Variants in WASL observed in about 807,000 individuals in gnomAD.
WASL encodes actin nucleation-promoting factor WASL.
WASL carries 20 observed loss-of-function variants against 55.5 expected under a neutral mutation model. That is an observed-to-expected ratio of 0.36 (90% CI 0.25 to 0.52). The LOEUF (loss-of-function observed/expected upper bound fraction) is 0.52, where lower values mean the gene tolerates loss of function less well. Ranked by LOEUF, WASL falls within the 20% of genes least tolerant of loss-of-function variation. The pLI is 0.92. For missense variants in WASL, 504 were observed against 622.5 expected (o/e 0.81, Z 2.03); for synonymous variants, 249 against 217.6 (o/e 1.14, Z -1.27).
chr7:123,733,943 A>G (rs527513816), intron 1 of WASL, among the ~76,000 whole-genome samples: 75 of 149,996 alleles, frequency 5.0e-4, no homozygotes, highest in African/African-American at 1.6e-3. Context: ...AATCAAATCC[A>G]GGCACTGACC....
intron 1 of WASL, chr7:123,720,457 A>G (rs1162404737): frequency 6.3e-5 from 24 of 378,100 alleles, no homozygotes; most frequent in Non-Finnish European, 1.2e-4. Context: ...TAACGTCTGT[A>G]CACAATACCA....
At chr7:123,708,709 A>G (rs976538623) in intron 2 of WASL, among the ~76,000 whole-genome samples, 21 of 152,124 alleles carry the variant, frequency 1.4e-4, no homozygotes, top group African/African-American at 4.8e-4. Flanking sequence ...CTGAGCTAAA[A>G]TATTATTTTG....
At chr7:123,729,869 GA>G (rs1327225976) in intron 1 of WASL, among the ~76,000 whole-genome samples, 2 of 151,834 alleles carry the variant, frequency 1.3e-5, no homozygotes, top group South Asian at 2.1e-4. Flanking sequence ...TCAAAAATAG[GA>G]AAAAAATAAT....
At chr7:123,706,515 G>T in intron 3 of WASL, 142 bp from the exon 4 acceptor site, 2 of 886,790 alleles carry the variant, frequency 2.3e-6, no homozygotes, top group Non-Finnish European at 3.4e-6. Flanking sequence ...TTTATGATCT[G>T]AATAACTTAA....
At chr7:123,687,756 CT>C (rs34607411) in intron 10 of WASL, among the ~76,000 whole-genome samples, 6 of 150,216 alleles carry the variant, frequency 4.0e-5, no homozygotes, top group Admixed American at 6.6e-5. Flanking sequence ...AAGGCAGGGA[CT>C]TTTTTTTTGT....
At chr7:123,731,185 T>G (rs1316114757) in intron 1 of WASL, among the ~76,000 whole-genome samples, 2 of 152,168 alleles carry the variant, frequency 1.3e-5, no homozygotes, top group African/African-American at 4.8e-5. Flanking sequence ...TACATACATA[T>G]ATATATGCAC....
In WASL at chr7:123,748,828, T is replaced by A; in HGVS notation, c.-94A>T. On this transcript the variant is annotated 5_prime_UTR_variant, in exon 1 of 11. Transcript: ENST00000223023. ...TCTCGGTGACAGGGGCGGGGAGAAG[T>A]GGAGTCAGAGGCGCCACATCTCGCA... The A allele has an allele frequency of 9.0e-7, 1 of 1,112,126 alleles. No homozygotes were observed. The highest frequency in any genetic ancestry group is 1.2e-6 in the Non-Finnish European group (1 of 804,202). The allele number at this position is 1,112,126 out of a possible 1,614,324, so 68.9% of individuals were successfully genotyped here. A position where few individuals can be genotyped will look rare whatever the true frequency, so the allele number is the denominator to read the frequency against.
At chr7:123,727,282 A>G (rs926977021) in intron 1 of WASL, among the ~76,000 whole-genome samples, 1 of 152,106 alleles carries the variant, frequency 6.6e-6, no homozygotes, top group African/African-American at 2.4e-5. Context: ...TTTCTTATAA[A>G]AATAAACATA....
intron 1 of WASL, among the ~76,000 whole-genome samples, chr7:123,713,296 G>T (rs971615790): frequency 1.3e-5 from 2 of 152,024 alleles, no homozygotes; most frequent in Non-Finnish European, 2.9e-5. Flanking sequence ...GGGACTACCA[G>T]CACACACCAC....
intron 1 of WASL, among the ~76,000 whole-genome samples, chr7:123,710,905 T>G (rs1405926134): frequency 6.6e-6 from 1 of 152,172 alleles, no homozygotes; most frequent in Non-Finnish European, 1.5e-5. Flanking sequence ...AAATGCGTCT[T>G]GCATACACTA....
chr7:123,740,723 G>A (rs1283389673), intron 1 of WASL, among the ~76,000 whole-genome samples: 3 of 151,954 alleles, frequency 2.0e-5, no homozygotes, highest in African/African-American at 7.3e-5. Flanking sequence ...AGCCTCTGGA[G>A]TAACTGGGAC....
chr7:123,729,961 G>C (rs1372136567), intron 1 of WASL, among the ~76,000 whole-genome samples: 2 of 152,034 alleles, frequency 1.3e-5, no homozygotes, highest in Non-Finnish European at 2.9e-5. Context: ...TCCTATTGGA[G>C]GAATTTTCTC....
intron 1 of WASL, among the ~76,000 whole-genome samples, chr7:123,744,290 C>G (rs145167841): frequency 6.6e-6 from 1 of 152,188 alleles, no homozygotes; most frequent in Non-Finnish European, 1.5e-5. Context: ...GCATTAGAAA[C>G]TGAAGGGCTT....
chr7:123,717,578 C>G (rs1485862850), intron 1 of WASL, among the ~76,000 whole-genome samples: 1 of 152,184 alleles, frequency 6.6e-6, no homozygotes, highest in East Asian at 1.9e-4. Flanking sequence ...ATACTATGAT[C>G]CAACTACATG....
rs1803498515 is a variant in WASL, at chr7:123,696,720, T to A, written c.488A>T (p.Asp163Val). The A allele has an allele frequency of 6.3e-7, 1 of 1,596,974 alleles. No individual in the cohort carries two copies. The highest frequency in any genetic ancestry group is 1.3e-5 in the African/African-American group (1 of 74,302). ...NGPNLPMATV[D>V]IKNPEITTNR... is the part of the protein sequence containing the mutation. The stretch of plus-strand genomic sequence containing the variant: ...TGTTGTGATTTCTGGATTTTTTATA[T>A]CAACTGTAGCCATGGGTAGATTAGG... The change falls in exon 6 of 11, where the codon GAT becomes GTT. Residue 163 changes from aspartate (D) to valine (V), a missense_variant. Transcript: ENST00000223023.
chr7:123,708,306 A>C (rs191825788), intron 2 of WASL, among the ~76,000 whole-genome samples: 237 of 152,338 alleles, frequency 1.6e-3, no homozygotes, highest in Admixed American at 5.3e-3. Context: ...AATAAAGCTG[A>C]GACCAGAGGT....
At chr7:123,708,143 C>T (rs1370832938) in intron 2 of WASL, among the ~76,000 whole-genome samples, 1 of 152,026 alleles carries the variant, frequency 6.6e-6, no homozygotes, top group Non-Finnish European at 1.5e-5. Context: ...CTGTGCACTC[C>T]AGGCTGGGTG....
chr7:123,701,725 A>G (rs981736430), intron 5 of WASL, among the ~76,000 whole-genome samples: 12 of 152,234 alleles, frequency 7.9e-5, no homozygotes, highest in African/African-American at 2.9e-4. Context: ...CACCAAATAC[A>G]GTAAAGTAAT....
At chr7:123,708,321 A>C (rs1392192885) in intron 2 of WASL, among the ~76,000 whole-genome samples, 1 of 152,208 alleles carries the variant, frequency 6.6e-6, no homozygotes, top group Non-Finnish European at 1.5e-5. Context: ...AGAGGTGTAA[A>C]AATCTCTTCA....
Sources: gnomAD v4.1 joint callset for allele counts (sites outside exome capture counted in the v4.1 genomes callset) on GRCh38, gnomAD v4.1.1 for gene constraint, MANE v1.5 for transcripts, NCBI Gene and HGNC (gene_info 2026-07-23, HGNC 2026-07-21) for gene names.